Variants in LIMK2 observed in about 807,000 individuals in gnomAD.
LIMK2 encodes the protein LIM domain kinase 2.
A neutral mutation model predicts 75.7 loss-of-function variants in LIMK2; 35 were observed. That is an observed-to-expected ratio of 0.46 (90% confidence interval 0.35 to 0.61). The LOEUF (loss-of-function observed/expected upper bound fraction) is 0.61. Among genes scored for constraint, LIMK2 ranks in the 20% least tolerant of loss-of-function variants. LIMK2 has a pLI of 0.00. For missense variants in LIMK2, 623 were observed against 831.0 expected (o/e 0.75, Z 3.08); for synonymous variants, 301 against 319.2 (o/e 0.94, Z 0.61).
Position 31,262,079 on chromosome 22 carries a change from G to T in LIMK2, c.552-55G>T. 7.0e-7 allele frequency: 1 copy of T among 1,420,644 alleles called. No homozygotes were observed. Among genetic ancestry groups the T allele is most frequent in the Non-Finnish European group, 1.0e-6 (1 of 1,004,062 alleles). 88.0% of individuals were successfully genotyped at this position (1,420,644 alleles called of 1,614,324 possible). A position where few individuals can be genotyped will look rare whatever the true frequency, so the allele number is the denominator to read the frequency against. Reference sequence around the variant, plus strand: ...AAACCTTCCCTGCACAAGCAGAATTGGTCAAGCAGGTTTTTAGGACATCTT... The same window carrying T: ...AAACCTTCCCTGCACAAGCAGAATTTGTCAAGCAGGTTTTTAGGACATCTT... On this transcript the variant is annotated intron_variant, in intron 5 of 15. Coordinates refer to ENST00000331728, the MANE Select transcript of LIMK2 (RefSeq NM_005569.4). This position sits in a 1 kb window ranked among gnomAD's most constrained non-coding sequence, Gnocchi z 5.0.
At chr22:31,270,307 G>C (rs1324344707) in intron 11 of LIMK2, among the ~76,000 whole-genome samples, 3 of 152,188 alleles carry the variant, frequency 2.0e-5, no homozygotes, top group Non-Finnish European at 4.4e-5. Flanking sequence ...GAAAAAAACA[G>C]ACACACAAGA....
intron 15 of LIMK2, chr22:31,275,516 G>C: frequency 1.8e-6 from 1 of 549,544 alleles, no homozygotes; most frequent in Non-Finnish European, 3.2e-6. Context: ...ATCTGGATAG[G>C]ACACAGAAAC....
At chr22:31,265,859 A>G in intron 7 of LIMK2, 87 bp from the exon 8 acceptor site, 1 of 998,540 alleles carries the variant, frequency 1.0e-6, no homozygotes, top group Non-Finnish European at 1.5e-6. Context: ...TGGAATGAAC[A>G]GGTGCCCCTA....
At chr22:31,226,884 A>C (rs930372717) in intron 2 of LIMK2, among the ~76,000 whole-genome samples, 2 of 152,166 alleles carry the variant, frequency 1.3e-5, no homozygotes, top group African/African-American at 4.8e-5. Context: ...TGTTGGGATT[A>C]CAGGCATGAG....
At chr22:31,214,878 C>T (rs2123757777) in intron 1 of LIMK2, among the ~76,000 whole-genome samples, 1 of 152,246 alleles carries the variant, frequency 6.6e-6, no homozygotes, top group East Asian at 1.9e-4. Context: ...TCACTGTACC[C>T]TCCACCTCCC....
intron 1 of LIMK2, among the ~76,000 whole-genome samples, chr22:31,223,218 T>C (rs555218158): frequency 2.0e-5 from 3 of 152,320 alleles, no homozygotes; most frequent in Admixed American, 2.0e-4. Flanking sequence ...ATTTCGGGTC[T>C]TTCATGCTTA....
intron 2 of LIMK2, among the ~76,000 whole-genome samples, chr22:31,236,621 A>G (rs987466956): frequency 5.9e-5 from 9 of 151,402 alleles, no homozygotes; most frequent in Admixed American, 6.6e-5. Flanking sequence ...AAAAAAAAAA[A>G]AAAAGAAACG....
At chr22:31,261,797 A>G (rs555389272) in intron 5 of LIMK2, among the ~76,000 whole-genome samples, 13 of 152,330 alleles carry the variant, frequency 8.5e-5, no homozygotes, top group Admixed American at 5.2e-4. Flanking sequence ...AGTTTAAAAA[A>G]AAAATAGAAG....
rs1255572242 is a variant in LIMK2, at chr22:31,262,121, T to C, written c.552-13T>C. The C allele has an allele frequency of 1.9e-6, 3 of 1,609,894 alleles. No individual in the cohort carries two copies. The Admixed American group carries it at 5.0e-5, about 27-fold the overall frequency. ...GGACATCTTTACCCTGCCTCAACTC[T>C]TGTCTGGCCCAGGGTCAACCGGATG... On this transcript the variant is annotated splice_polypyrimidine_tract_variant and intron_variant, in intron 5 of 15. Coordinates refer to ENST00000331728, the MANE Select transcript of LIMK2 (RefSeq NM_005569.4). This position sits in a 1 kb window ranked among gnomAD's most constrained non-coding sequence, Gnocchi z 5.0.
intron 2 of LIMK2, among the ~76,000 whole-genome samples, chr22:31,229,114 C>G (rs1021120881): frequency 1.3e-5 from 2 of 152,120 alleles, no homozygotes; most frequent in African/African-American, 4.8e-5. Context: ...TTTGAACTAC[C>G]CTGACACAAT....
chr22:31,270,298 A>T (rs369572081), intron 11 of LIMK2, among the ~76,000 whole-genome samples: 4 of 152,138 alleles, frequency 2.6e-5, no homozygotes, highest in Non-Finnish European at 5.9e-5. Flanking sequence ...AGGCTGGAAG[A>T]AAAAAACAGA....
At chr22:31,231,884 A>G (rs74582774) in intron 2 of LIMK2, among the ~76,000 whole-genome samples, 5,595 of 152,180 alleles carry the variant, frequency 0.037, 149 homozygotes, top group South Asian at 0.084. Context: ...TGGTACAATC[A>G]TAGTTCACTG....
chr22:31,228,520 G>A (rs2048498214), intron 2 of LIMK2, among the ~76,000 whole-genome samples: 1 of 152,116 alleles, frequency 6.6e-6, no homozygotes, highest in South Asian at 2.1e-4. Flanking sequence ...ACTTCCCTGA[G>A]CTTCAGGCAC....
At chr22:31,233,005 C>T (rs1265710313) in intron 2 of LIMK2, among the ~76,000 whole-genome samples, 1 of 152,196 alleles carries the variant, frequency 6.6e-6, no homozygotes, top group African/African-American at 2.4e-5. Context: ...CCTGAAACAA[C>T]ATTCCTTTAG....
intron 2 of LIMK2, among the ~76,000 whole-genome samples, chr22:31,238,131 A>C (rs1425971599): frequency 6.6e-6 from 1 of 151,460 alleles, no homozygotes; most frequent in Non-Finnish European, 1.5e-5. Context: ...AAAAAAAAAA[A>C]ACCAAAACCA....
intron 8 of LIMK2, among the ~76,000 whole-genome samples, chr22:31,266,506 TCTC>T (rs1201239234): frequency 3.9e-5 from 6 of 151,940 alleles, no homozygotes; most frequent in Non-Finnish European, 8.8e-5. Context: ...TCTCTCTTTC[TCTC>T]CTCCTCCTCC....
intron 5 of LIMK2, among the ~76,000 whole-genome samples, chr22:31,260,817 T>C (rs1332172690): frequency 6.6e-6 from 1 of 152,100 alleles, no homozygotes; most frequent in Non-Finnish European, 1.5e-5. Context: ...TCTCCAAAAG[T>C]AGGAGTCTTA....
chr22:31,234,328 AAAAAAAAAAAAAC>A (rs2048553460), intron 2 of LIMK2, among the ~76,000 whole-genome samples: 1 of 145,458 alleles, frequency 6.9e-6, no homozygotes, highest in African/African-American at 2.5e-5. Flanking sequence ...AGTGATCTTA[AAAAAAAAAAAAAC>A]AAAAAAAAAC....
At chr22:31,246,175 G>GCACTCACACACACACACA (rs1300039438) in intron 2 of LIMK2, among the ~76,000 whole-genome samples, 1 of 78,052 alleles carries the variant, frequency 1.3e-5, no homozygotes, top group Non-Finnish European at 2.8e-5. Flanking sequence ...TCCGACACAC[G>GCACTCACACACACACACA]CACGCACGCA....
Sources: gnomAD v4.1 joint callset for allele counts (sites outside exome capture counted in the v4.1 genomes callset) on GRCh38, gnomAD v4.1.1 for gene constraint, Gnocchi (gnomAD v3.1) non-coding constraint, MANE v1.5 for transcripts, NCBI Gene and HGNC (gene_info 2026-07-23, HGNC 2026-07-21) for gene names.